Variants in ZCCHC7 observed in about 807,000 individuals in gnomAD.
The protein encoded by ZCCHC7 is zinc finger CCHC domain-containing protein 7.
Under a neutral mutation model 52.0 loss-of-function variants are expected in ZCCHC7, and 35 were observed. The observed-to-expected ratio is 0.67, with a 90% CI of 0.51 to 0.89. ZCCHC7 has a LOEUF of 0.89. Among genes scored for constraint, ZCCHC7 ranks in the 40% least tolerant of loss-of-function variants. ZCCHC7 has a pLI of 0.00. For synonymous variants in ZCCHC7, 217 were observed against 221.5 expected, an observed-to-expected ratio of 0.98 and a Z score of 0.18; for missense variants, 574 against 649.1, an observed-to-expected ratio of 0.88 and a Z score of 1.26.
chr9:37,302,433 C>T (rs1246333696), intron 3 of ZCCHC7, among the ~76,000 whole-genome samples: 1 of 152,182 alleles, frequency 6.6e-6, no homozygotes, highest in Non-Finnish European at 1.5e-5. Flanking sequence ...ATCCAGTCCC[C>T]TTTCCCTTTC....
At chr9:37,303,315 C>T (rs1309168950) in intron 3 of ZCCHC7, among the ~76,000 whole-genome samples, 2 of 151,678 alleles carry the variant, frequency 1.3e-5, no homozygotes, top group African/African-American at 4.8e-5. Flanking sequence ...GTCCCAGCTA[C>T]TCGGAAGGCT....
At chr9:37,135,022 C>CGGCCCTCT (rs1233207662) in intron 2 of ZCCHC7, among the ~76,000 whole-genome samples, 1 of 152,144 alleles carries the variant, frequency 6.6e-6, no homozygotes, top group Non-Finnish European at 1.5e-5. Flanking sequence ...CCACCACACC[C>CGGCCCTCT]GGCCCTCTTT....
intron 5 of ZCCHC7, chr9:37,327,056 G>A (rs1452169063): frequency 2.6e-5 from 4 of 151,980 alleles, no homozygotes; most frequent in Non-Finnish European, 5.9e-5. Flanking sequence ...ATTTATATAT[G>A]TGTTCGTAAG....
At chr9:37,199,559 C>G in intron 2 of ZCCHC7, among the ~76,000 whole-genome samples, 1 of 152,024 alleles carries the variant, frequency 6.6e-6, no homozygotes, top group African/African-American at 2.4e-5. Context: ...TCTCGAACTC[C>G]TGACTTCAGG....
chr9:37,325,991 A>G (rs1411297357), intron 5 of ZCCHC7: 1 of 152,248 alleles, frequency 6.6e-6, no homozygotes, highest in Non-Finnish European at 1.5e-5. Context: ...GTAGAGTGGC[A>G]TTCTGCCAGT....
At chr9:37,332,454 T>G (rs935303557) in intron 6 of ZCCHC7, among the ~76,000 whole-genome samples, 17 of 151,544 alleles carry the variant, frequency 1.1e-4, no homozygotes, top group African/African-American at 3.9e-4. Flanking sequence ...TTTTAAAGAT[T>G]TTTCAAATGC....
intron 3 of ZCCHC7, 40 bp downstream of exon 3, chr9:37,302,271 C>T (rs374635559): frequency 2.1e-5 from 32 of 1,490,486 alleles, no homozygotes; most frequent in Middle Eastern, 1.7e-4. Context: ...ATAATAATTT[C>T]CTTTGCTTCA....
chr9:37,176,665 A>G (rs931110837), intron 2 of ZCCHC7, among the ~76,000 whole-genome samples: 1 of 152,096 alleles, frequency 6.6e-6, no homozygotes, highest in Non-Finnish European at 1.5e-5. Flanking sequence ...ATATATTTTA[A>G]AAATTAGTAA....
intron 2 of ZCCHC7, among the ~76,000 whole-genome samples, chr9:37,177,266 T>A (rs1194274996): frequency 6.6e-6 from 1 of 151,426 alleles, no homozygotes; most frequent in Non-Finnish European, 1.5e-5. Flanking sequence ...ACCTGGGAGG[T>A]GGAGTTTGCA....
chr9:37,334,115 G>A (rs566816716), intron 6 of ZCCHC7, among the ~76,000 whole-genome samples: 11 of 152,010 alleles, frequency 7.2e-5, no homozygotes, highest in Non-Finnish European at 1.0e-4. Flanking sequence ...CATAAAGAGT[G>A]TAGAAGTATT....
At chr9:37,330,243 C>G (rs1830402480) in intron 6 of ZCCHC7, among the ~76,000 whole-genome samples, 1 of 151,676 alleles carries the variant, frequency 6.6e-6, no homozygotes, top group African/African-American at 2.4e-5. Context: ...CCTTAAAACA[C>G]TTTCAGAACT....
chr9:37,329,272 T>A (rs1314023050), intron 6 of ZCCHC7, among the ~76,000 whole-genome samples: 1 of 151,744 alleles, frequency 6.6e-6, no homozygotes, highest in East Asian at 1.9e-4. Context: ...CCTGTGTTCG[T>A]TTATATACCT....
At chr9:37,183,870 C>A (rs7869577) in intron 2 of ZCCHC7, among the ~76,000 whole-genome samples, 1 of 152,188 alleles carries the variant, frequency 6.6e-6, no homozygotes, top group Admixed American at 6.5e-5. Flanking sequence ...AGAGTCTACA[C>A]GCTGAACAAC....
chr9:37,130,249 A>T (rs1283920720), intron 2 of ZCCHC7, among the ~76,000 whole-genome samples: 3 of 151,324 alleles, frequency 2.0e-5, no homozygotes, highest in African/African-American at 7.3e-5. Flanking sequence ...AAAAAAAAAA[A>T]AAAGATAAGT....
chr9:37,255,900 G>A (rs1826564717), intron 2 of ZCCHC7, among the ~76,000 whole-genome samples: 1 of 152,132 alleles, frequency 6.6e-6, no homozygotes, highest in South Asian at 2.1e-4. Context: ...GAATTGTCCT[G>A]AGGTCTTTGC....
chr9:37,183,785 A>T (rs1822496284), intron 2 of ZCCHC7, among the ~76,000 whole-genome samples: 1 of 152,234 alleles, frequency 6.6e-6, no homozygotes, highest in Non-Finnish European at 1.5e-5. Flanking sequence ...AAATAAAGAA[A>T]TAGGTGTAAA....
intron 2 of ZCCHC7, among the ~76,000 whole-genome samples, chr9:37,162,148 T>C (rs909907568): frequency 4.6e-5 from 7 of 152,178 alleles, no homozygotes; most frequent in Admixed American, 1.3e-4. Flanking sequence ...TTGTAAACTT[T>C]ACAGTTGACA....
intron 2 of ZCCHC7, among the ~76,000 whole-genome samples, chr9:37,152,330 C>G (rs1007524277): frequency 6.6e-6 from 1 of 151,688 alleles, no homozygotes; most frequent in Non-Finnish European, 1.5e-5. Flanking sequence ...TTCAGTTTTT[C>G]CCATTAGTAG....
chr9:37,223,140 C>T (rs60804493), intron 2 of ZCCHC7, among the ~76,000 whole-genome samples: 1,902 of 150,654 alleles, frequency 0.013, 41 homozygotes, highest in African/African-American at 0.044. Flanking sequence ...AGCCCTGCTA[C>T]GCAAGGAACA....
Sources: allele counts gnomAD v4.1 joint callset (sites outside exome capture counted in the v4.1 genomes callset), GRCh38; gene constraint gnomAD v4.1.1; transcripts MANE v1.5; gene names NCBI Gene and HGNC (gene_info 2026-07-23, HGNC 2026-07-21).